Variants in SEMA6A observed in about 807,000 individuals in gnomAD.
SEMA6A encodes semaphorin 6A.
A neutral mutation model predicts 96.8 loss-of-function variants in SEMA6A; 25 were observed. The observed-to-expected ratio is 0.26, with a 90% CI of 0.19 to 0.36. The LOEUF (loss-of-function observed/expected upper bound fraction) is 0.36. SEMA6A is among the 10% of genes least tolerant of loss of function. SEMA6A has a pLI of 1.00. For synonymous variants in SEMA6A, 612 were observed against 518.0 expected (o/e 1.18, Z -2.46); for missense variants, 1,363 against 1,323.1 (o/e 1.03, Z -0.47).
intron 1 of SEMA6A, among the ~76,000 whole-genome samples, chr5:116,557,938 G>GATAA (rs1233126702): frequency 1.3e-5 from 2 of 152,166 alleles, no homozygotes; most frequent in Non-Finnish European, 2.9e-5. Context: ...GCACGTAATA[G>GATAA]ATAAATAATC....
In SEMA6A at chr5:116,447,087, G is replaced by C. The variant is rs1310435456; in HGVS notation, c.2619C>G (p.Asn873Lys). Residue 873 changes from asparagine to lysine, a missense_variant, in exon 19 of 19, where the codon AAC becomes AAG. Asn to Lys is a moderately conservative substitution (Grantham distance 94). This residue lies in a region of SEMA6A where 883 missense variants were observed against 763.6 expected (regional missense o/e 1.16). Transcript: ENST00000343348. ...SPNHGVNLVE[N>K]LDSLPPKVPQ... ...GAACTTTGGGGGGCAGGCTGTCCAG[G>C]TTCTCCACAAGGTTCACCCCATGGT... is the stretch of plus-strand genomic sequence containing the variant. The C allele has an allele frequency of 2.5e-6, 4 of 1,613,948 alleles. No homozygotes were observed. In the South Asian group the frequency reaches 3.3e-5, roughly 13 times the overall value.
intron 18 of SEMA6A, among the ~76,000 whole-genome samples, chr5:116,461,916 G>A (rs1405114839): frequency 2.0e-5 from 3 of 152,178 alleles, no homozygotes; most frequent in South Asian, 2.1e-4. Flanking sequence ...GATAAATTCT[G>A]CTTGAGACAC....
chr5:116,446,415 C>T lies in SEMA6A; in HGVS notation c.*198G>A, dbSNP rs527552975. 8.3e-6 allele frequency: 4 copies of T among 480,872 alleles called. No individual in the cohort carries two copies. Among genetic ancestry groups the T allele is most frequent in the South Asian group, 5.5e-5 (1 of 18,068 alleles). The allele number at this position is 480,872 out of a possible 1,614,324, so 29.8% of individuals were successfully genotyped here. On this transcript the variant is annotated 3_prime_UTR_variant, in exon 19 of 19. Transcript: ENST00000343348. ...GAAGAGAATGAAGGTGAGTCCCCGCCGTTGCAAACCTTCACCAAACCACGC... is the reference window on the plus strand; with the variant it reads ...GAAGAGAATGAAGGTGAGTCCCCGCTGTTGCAAACCTTCACCAAACCACGC...
At chr5:116,540,170 CATT>C (rs1327794118) in intron 1 of SEMA6A, among the ~76,000 whole-genome samples, 2 of 152,104 alleles carry the variant, frequency 1.3e-5, no homozygotes, top group Non-Finnish European at 2.9e-5. Flanking sequence ...TTCAAATACT[CATT>C]ATTTTCAAGG....
At chr5:116,552,319 A>G (rs1760449141) in intron 1 of SEMA6A, among the ~76,000 whole-genome samples, 1 of 152,194 alleles carries the variant, frequency 6.6e-6, no homozygotes, top group African/African-American at 2.4e-5. Flanking sequence ...TAAAGTGATA[A>G]AACACATAAC....
intron 10 of SEMA6A, 59 bp downstream of exon 10, chr5:116,486,690 C>T: frequency 1.4e-6 from 2 of 1,404,002 alleles, no homozygotes; most frequent in Non-Finnish European, 2.0e-6. Flanking sequence ...GAAGAGAACC[C>T]CCTGGGAGAA....
intron 18 of SEMA6A, chr5:116,449,246 G>T: frequency 1.4e-6 from 1 of 697,880 alleles, no homozygotes; most frequent in Non-Finnish European, 2.6e-6. Context: ...ATACATTAGA[G>T]GCACTGCATG....
At chr5:116,463,253 C>A (rs1561471639) in intron 18 of SEMA6A, among the ~76,000 whole-genome samples, 4 of 152,172 alleles carry the variant, frequency 2.6e-5, no homozygotes, top group Admixed American at 6.5e-5. Flanking sequence ...GCATAAATTT[C>A]CACCACATGA....
At chr5:116,468,000 C>A in intron 17 of SEMA6A, 1 of 463,584 alleles carries the variant, frequency 2.2e-6, no homozygotes, top group South Asian at 3.1e-5. Context: ...GCTGGGTGGG[C>A]CTCAGGGAAT....
intron 10 of SEMA6A, among the ~76,000 whole-genome samples, chr5:116,483,939 C>G (rs552385776): frequency 2.4e-4 from 37 of 152,036 alleles, no homozygotes; most frequent in African/African-American, 8.9e-4. Context: ...TGGTGGGCAC[C>G]TGTAATCCCA....
At chr5:116,539,618 T>TGG (rs748442933) in intron 1 of SEMA6A, among the ~76,000 whole-genome samples, 5 of 151,610 alleles carry the variant, frequency 3.3e-5, no homozygotes, top group East Asian at 1.9e-4. Flanking sequence ...TGTGTGTGTG[T>TGG]ACTTTCTTTA....
intron 1 of SEMA6A, among the ~76,000 whole-genome samples, chr5:116,527,520 G>T (rs1333305523): frequency 1.3e-5 from 2 of 152,156 alleles, no homozygotes; most frequent in African/African-American, 4.8e-5. Flanking sequence ...GCCATGAAAA[G>T]TTGAAAGTAT....
intron 10 of SEMA6A, among the ~76,000 whole-genome samples, chr5:116,486,224 C>T (rs183255919): frequency 2.8e-3 from 419 of 152,286 alleles, no homozygotes; most frequent in Non-Finnish European, 4.7e-3. Context: ...CTAGATTTCA[C>T]CCTGTAGCAA....
chr5:116,520,898 A>G (rs900565019), intron 1 of SEMA6A, among the ~76,000 whole-genome samples: 10 of 152,174 alleles, frequency 6.6e-5, no homozygotes, highest in Admixed American at 5.2e-4. Flanking sequence ...GAAGCCACAG[A>G]TGGTCCAGAA....
At chr5:116,470,871 A>AC (rs1434969440) in intron 17 of SEMA6A, among the ~76,000 whole-genome samples, 1 of 152,190 alleles carries the variant, frequency 6.6e-6, no homozygotes, top group Non-Finnish European at 1.5e-5. Flanking sequence ...TCTTGTCTAT[A>AC]TCCATGCTCA....
chr5:116,497,928 T>A (rs536813843), intron 3 of SEMA6A, among the ~76,000 whole-genome samples: 1 of 152,356 alleles, frequency 6.6e-6, no homozygotes, highest in South Asian at 2.1e-4. Flanking sequence ...GAAGCCACTC[T>A]TTTCCCTCAT....
Position 116,446,373 on chromosome 5 carries a change from T to G in SEMA6A, c.*240A>C. 2 of 419,638 alleles carry G rather than the reference T, an allele frequency of 4.8e-6. No homozygotes were observed. The highest frequency in any genetic ancestry group is 8.0e-5 in the Admixed American group (2 of 24,950). 26.0% of individuals were successfully genotyped at this position (419,638 alleles called of 1,614,324 possible). A position where few individuals can be genotyped will look rare whatever the true frequency, so the allele number is the denominator to read the frequency against. ...TTTGTGGGTCCGACCTGTTGTAGGG[T>G]GTGGGGGAAAGTGAAGGAAGAGAAT... On this transcript the variant is annotated 3_prime_UTR_variant, in exon 19 of 19. Transcript: ENST00000343348.
intron 1 of SEMA6A, chr5:116,550,440 A>G (rs1760359279): frequency 6.6e-6 from 1 of 152,228 alleles, no homozygotes; most frequent in African/African-American, 2.4e-5. Flanking sequence ...ATCTAATGAT[A>G]CAGGAATCCC....
intron 1 of SEMA6A, among the ~76,000 whole-genome samples, chr5:116,548,778 T>G (rs1003725928): frequency 6.6e-6 from 1 of 152,234 alleles, no homozygotes; most frequent in African/African-American, 2.4e-5. Flanking sequence ...TGCACAGTTC[T>G]GTTCTGCAAA....
Sources: allele counts gnomAD v4.1 joint callset (sites outside exome capture counted in the v4.1 genomes callset), GRCh38; gene constraint gnomAD v4.1.1; regional missense constraint gnomAD v4.1.1; transcripts MANE v1.5; gene names NCBI Gene and HGNC (gene_info 2026-07-23, HGNC 2026-07-21).